Variants in AFAP1 observed in about 807,000 individuals in gnomAD.
AFAP1 encodes the protein actin filament-associated protein 1.
A neutral mutation model predicts 93.9 loss-of-function variants in AFAP1; 75 were observed. That is an observed-to-expected ratio of 0.80 (90% CI 0.66 to 0.97). The LOEUF is 0.97. Among genes scored for constraint, AFAP1 ranks in the 50% least tolerant of loss-of-function variants. The pLI, the probability that AFAP1 is intolerant of heterozygous loss-of-function variation, is 0.00. For missense variants in AFAP1, 1,201 were observed against 1,050.8 expected (o/e 1.14, Z -1.98); for synonymous variants, 517 against 430.7 (o/e 1.20, Z -2.48).
intron 1 of AFAP1, among the ~76,000 whole-genome samples, chr4:7,937,905 G>T (rs1721483780): frequency 6.6e-6 from 1 of 152,166 alleles, no homozygotes; most frequent in Non-Finnish European, 1.5e-5. Flanking sequence ...AAAATAGCAT[G>T]AATACTTGGA....
At chr4:7,803,943 C>A (rs1719272119) in intron 9 of AFAP1, among the ~76,000 whole-genome samples, 1 of 152,176 alleles carries the variant, frequency 6.6e-6, no homozygotes, top group African/African-American at 2.4e-5. Context: ...TCAGCGACTG[C>A]CCCTACCCCA....
intron 6 of AFAP1, among the ~76,000 whole-genome samples, chr4:7,834,128 C>CACACACACACATATAT (rs756961714): frequency 8.4e-6 from 1 of 119,426 alleles, no homozygotes; most frequent in African/African-American, 3.9e-5. Context: ...CACACACACA[C>CACACACACACATATAT]ATATATACAA....
intron 1 of AFAP1, among the ~76,000 whole-genome samples, chr4:7,905,932 G>T (rs964394349): frequency 6.6e-6 from 1 of 152,222 alleles, no homozygotes; most frequent in Non-Finnish European, 1.5e-5. Context: ...TCCGCAGGGG[G>T]ACACGCATGC....
At chr4:7,822,277 T>TC (rs532870662) in intron 6 of AFAP1, among the ~76,000 whole-genome samples, 69 of 152,252 alleles carry the variant, frequency 4.5e-4, no homozygotes, top group African/African-American at 1.6e-3. Flanking sequence ...CTTGCTTCCT[T>TC]CCTCAATAAC....
At chr4:7,893,631 T>C (rs1456861534) in intron 1 of AFAP1, among the ~76,000 whole-genome samples, 2 of 150,166 alleles carry the variant, frequency 1.3e-5, no homozygotes, top group Non-Finnish European at 3.0e-5. Context: ...CAAAAAGTAC[T>C]TTCTGTCCTC....
At chr4:7,800,724 C>T in intron 9 of AFAP1, 71 bp from the exon 10 acceptor site, 2 of 1,472,062 alleles carry the variant, frequency 1.4e-6, no homozygotes, top group South Asian at 1.2e-5. Context: ...TCTAGGGTCA[C>T]ACTGAGGAGG....
rs74845032 is a variant in AFAP1, at chr4:7,813,329, G to A, written c.904+2689C>T. On this transcript the variant is annotated intron_variant, in intron 8 of 17. Coordinates refer to ENST00000420658, the MANE Select transcript of AFAP1 (RefSeq NM_001134647.2). ...ACCTTAACTTTCTCCAGTAACTAAC[G>A]AGCGTCTGCTACATGCAAAGCACCA... Among the ~76,000 whole-genome samples the A allele has an allele frequency of 9.7e-3, 1,475 of 152,282 alleles. 17 individuals are homozygous for A. The highest frequency in any genetic ancestry group is 0.033 in the African/African-American group (1,351 of 41,534).
At chr4:7,916,729 G>C (rs538257886) in intron 1 of AFAP1, among the ~76,000 whole-genome samples, 1 of 152,280 alleles carries the variant, frequency 6.6e-6, no homozygotes, top group East Asian at 1.9e-4. Context: ...TCTCTGAAAA[G>C]TGTACATGTC....
At chr4:7,812,261 G>A (rs1377230835) in intron 8 of AFAP1, among the ~76,000 whole-genome samples, 1 of 152,126 alleles carries the variant, frequency 6.6e-6, no homozygotes, top group Non-Finnish European at 1.5e-5. Flanking sequence ...CAGAAAGGCT[G>A]GTGGAGCAAG....
At chr4:7,839,422 A>C (rs1712722960) in intron 5 of AFAP1, among the ~76,000 whole-genome samples, 1 of 151,906 alleles carries the variant, frequency 6.6e-6, no homozygotes, top group African/African-American at 2.4e-5. Context: ...GTATATATAA[A>C]ATACATTTAT....
intron 3 of AFAP1, among the ~76,000 whole-genome samples, chr4:7,866,717 G>T (rs1298744022): frequency 1.3e-5 from 2 of 151,972 alleles, no homozygotes; most frequent in African/African-American, 4.8e-5. Context: ...TATATTTCTG[G>T]ACTTTAATAT....
At chr4:7,902,166 A>G (rs1176635307) in intron 1 of AFAP1, among the ~76,000 whole-genome samples, 1 of 152,174 alleles carries the variant, frequency 6.6e-6, no homozygotes, top group East Asian at 1.9e-4. Flanking sequence ...TCAGGATGAA[A>G]AAGAACCCAG....
intron 9 of AFAP1, among the ~76,000 whole-genome samples, chr4:7,804,979 G>A (rs998528223): frequency 6.8e-4 from 104 of 152,162 alleles, no homozygotes; most frequent in African/African-American, 2.4e-3. Context: ...TGTCCTCGAC[G>A]AGGCCAGGGG....
intron 1 of AFAP1, among the ~76,000 whole-genome samples, chr4:7,936,306 T>C (rs1721376244): frequency 6.6e-6 from 1 of 152,176 alleles, no homozygotes; most frequent in Non-Finnish European, 1.5e-5. Context: ...AGCTTAATAT[T>C]TTATTTTTAA....
intron 1 of AFAP1, among the ~76,000 whole-genome samples, chr4:7,884,801 C>CAA (rs1399762143): frequency 1.3e-5 from 2 of 152,174 alleles, no homozygotes; most frequent in Non-Finnish European, 2.9e-5. Flanking sequence ...GACTCAAAAT[C>CAA]AGACGTAAAA....
chr4:7,840,310 GTGTGTGTGTGTGTGTGTGTT>G (rs1712860127), intron 5 of AFAP1, among the ~76,000 whole-genome samples: 2 of 73,910 alleles, frequency 2.7e-5, no homozygotes, highest in Admixed American at 3.4e-4. Context: ...TTTGGGGTGT[GTGTGTGTGTGTGTGTGTGTT>G]TGAGATGAAG....
chr4:7,902,783 G>A (rs576042853), intron 1 of AFAP1, among the ~76,000 whole-genome samples: 5 of 152,142 alleles, frequency 3.3e-5, no homozygotes, highest in Non-Finnish European at 7.4e-5. Context: ...GGCACTGGGA[G>A]GGGCAGACAG....
intron 13 of AFAP1, among the ~76,000 whole-genome samples, chr4:7,779,999 G>C (rs547277581): frequency 6.6e-6 from 1 of 152,324 alleles, no homozygotes; most frequent in South Asian, 2.1e-4. Context: ...TACATCAAAT[G>C]ATTCCCAACC....
chr4:7,891,592 C>G (rs1718473692), intron 1 of AFAP1, among the ~76,000 whole-genome samples: 1 of 151,928 alleles, frequency 6.6e-6, no homozygotes, highest in Non-Finnish European at 1.5e-5. Flanking sequence ...AGCAGAATTC[C>G]TAATCACAGG....
Sources: allele counts gnomAD v4.1 joint callset (sites outside exome capture counted in the v4.1 genomes callset), GRCh38; gene constraint gnomAD v4.1.1; transcripts MANE v1.5; gene names NCBI Gene and HGNC (gene_info 2026-07-23, HGNC 2026-07-21).